The following CDH18 variants were observed in gnomAD, a reference collection of about 807,000 sequenced individuals.
CDH18 encodes the protein cadherin-18.
CDH18 carries 31 observed loss-of-function variants against 67.9 expected under a neutral mutation model. That is an observed-to-expected ratio of 0.46 (90% CI 0.34 to 0.62). The LOEUF is 0.62. Among genes scored for constraint, CDH18 ranks in the 20% least tolerant of loss-of-function variants. The pLI, the probability that CDH18 is intolerant of heterozygous loss-of-function variation, is 0.01. For synonymous variants in CDH18, 362 were observed against 347.2 expected, an observed-to-expected ratio of 1.04 and a Z score of -0.48; for missense variants, 890 against 975.5, an observed-to-expected ratio of 0.91 and a Z score of 1.17.
chr5:20,431,959 A>T (rs971951599), intron 1 of CDH18, among the ~76,000 whole-genome samples: 2 of 152,146 alleles, frequency 1.3e-5, no homozygotes, highest in Non-Finnish European at 2.9e-5. Context: ...CCCTAATAAC[A>T]TCTCTGAGAA....
At chr5:19,966,548 G>A (rs1484464893) in intron 2 of CDH18, among the ~76,000 whole-genome samples, 1 of 152,004 alleles carries the variant, frequency 6.6e-6, no homozygotes, top group Non-Finnish European at 1.5e-5. Flanking sequence ...CACCATATCA[G>A]TCACATGGTA....
rs191579982 is a variant in CDH18 at position 20,045,477 on chromosome 5, C to T, written c.-517-53463G>A. On this transcript the variant is annotated intron_variant, in intron 2 of 14. Transcript: ENST00000507958. ...TGAAATTAAAATGGTATAATGATGACGATGATAAGTTTGTGTACTAGTTCG... is the reference window on the plus strand; with the variant it reads ...TGAAATTAAAATGGTATAATGATGATGATGATAAGTTTGTGTACTAGTTCG... 1.2e-3 allele frequency among the ~76,000 whole-genome samples: 183 copies of T among 151,792 alleles called. 1 individual carries two copies. Among genetic ancestry groups the T allele is most frequent in the Non-Finnish European group, 2.4e-3 (161 of 67,930 alleles).
intron 1 of CDH18, among the ~76,000 whole-genome samples, chr5:20,478,466 A>G (rs914533769): frequency 6.6e-6 from 1 of 152,054 alleles, no homozygotes; most frequent in African/African-American, 2.4e-5. Context: ...GTGGCCATGC[A>G]GTAACTGCTG....
chr5:19,820,355 G>A (rs960757536), intron 3 of CDH18, among the ~76,000 whole-genome samples: 1 of 152,118 alleles, frequency 6.6e-6, no homozygotes, highest in Non-Finnish European at 1.5e-5. Context: ...AACAGAGGGA[G>A]AAACCAACAG....
At chr5:19,822,862 G>A (rs2149955300) in intron 3 of CDH18, among the ~76,000 whole-genome samples, 1 of 152,216 alleles carries the variant, frequency 6.6e-6, no homozygotes, top group African/African-American at 2.4e-5. Context: ...GAATTTTCTT[G>A]TCCTAATAAG....
intron 1 of CDH18, among the ~76,000 whole-genome samples, chr5:20,273,641 A>G (rs948030883): frequency 6.6e-6 from 1 of 151,742 alleles, no homozygotes; most frequent in Non-Finnish European, 1.5e-5. Context: ...AATTCAAACT[A>G]AAAAAAATAC....
In CDH18 at chr5:19,724,657, A is replaced by C. The variant is rs74533566; in HGVS notation, c.524-3191T>G. On this transcript the variant is annotated intron_variant, in intron 4 of 12. Transcript: ENST00000382275. ...GCATGATGTTACCATTGTGAAAAAA[A>C]AAAGATTTGCAAAATGTTACCATTA... Among the ~76,000 whole-genome samples the C allele has an allele frequency of 1.6e-4, 25 of 152,292 alleles. No individual in the cohort carries two copies. The East Asian group carries it at 4.3e-3, about 26-fold the overall frequency.
intron 1 of CDH18, among the ~76,000 whole-genome samples, chr5:20,414,135 A>T (rs2150148286): frequency 6.6e-6 from 1 of 152,302 alleles, no homozygotes; most frequent in East Asian, 1.9e-4. Flanking sequence ...GCAGTTTGGA[A>T]ATTTCTTAAT....
chr5:19,848,936 T>C (rs1783326672), intron 2 of CDH18, among the ~76,000 whole-genome samples: 1 of 150,258 alleles, frequency 6.7e-6, no homozygotes, highest in Non-Finnish European at 1.5e-5. Flanking sequence ...ATTATATATA[T>C]GTGTATATAT....
intron 2 of CDH18, among the ~76,000 whole-genome samples, chr5:20,018,988 G>A (rs548249420): frequency 6.7e-5 from 10 of 150,106 alleles, no homozygotes; most frequent in African/African-American, 2.5e-4. Flanking sequence ...TAGTAGAGAC[G>A]GGGTTTCACC....
At chr5:19,735,482 C>T (rs555921785) in intron 4 of CDH18, among the ~76,000 whole-genome samples, 305 of 151,480 alleles carry the variant, frequency 2.0e-3, no homozygotes, top group African/African-American at 6.7e-3. Context: ...CTGCAAGCTC[C>T]GCCTCTGGGT....
chr5:19,570,528 T>G (rs541155107), intron 8 of CDH18, among the ~76,000 whole-genome samples: 1 of 152,170 alleles, frequency 6.6e-6, no homozygotes, highest in Admixed American at 6.5e-5. Context: ...CCACAGATAC[T>G]GAGGAGACTA....
intron 2 of CDH18, among the ~76,000 whole-genome samples, chr5:19,847,158 T>C (rs766505013): frequency 2.0e-5 from 3 of 152,136 alleles, no homozygotes; most frequent in Non-Finnish European, 4.4e-5. Context: ...GCATCTATTA[T>C]AGCTATTCCC....
chr5:20,547,427 G>A (rs1816264), intron 1 of CDH18, among the ~76,000 whole-genome samples: 66,669 of 151,380 alleles, frequency 0.44, 15,085 homozygotes, highest in East Asian at 0.57. Flanking sequence ...TGGGCATGGT[G>A]GCAGGTCCCT....
chr5:19,962,402 T>G (rs1176647491), intron 2 of CDH18, among the ~76,000 whole-genome samples: 1 of 48,440 alleles, frequency 2.1e-5, no homozygotes, highest in Admixed American at 2.0e-4. Context: ...AAAAAGAAAA[T>G]TCAATTCCTT....
At chr5:19,614,774 A>T (rs764352121) in intron 5 of CDH18, among the ~76,000 whole-genome samples, 1 of 152,166 alleles carries the variant, frequency 6.6e-6, no homozygotes, top group African/African-American at 2.4e-5. Flanking sequence ...TTGCCAGCCA[A>T]ATTTGCTCAT....
chr5:19,896,983 G>A (rs1789411761), intron 2 of CDH18, among the ~76,000 whole-genome samples: 1 of 152,012 alleles, frequency 6.6e-6, no homozygotes, highest in African/African-American at 2.4e-5. Flanking sequence ...TTCATTGTTA[G>A]AAAGAAACAA....
intron 2 of CDH18, among the ~76,000 whole-genome samples, chr5:19,923,744 A>T (rs1319218834): frequency 6.6e-6 from 1 of 152,168 alleles, no homozygotes; most frequent in Non-Finnish European, 1.5e-5. Context: ...AGCCCTAAAT[A>T]TTGTGCTCAA....
intron 1 of CDH18, among the ~76,000 whole-genome samples, chr5:20,283,190 G>C (rs1357582998): frequency 6.6e-6 from 1 of 152,004 alleles, no homozygotes; most frequent in Admixed American, 6.6e-5. Flanking sequence ...CCAGGACATG[G>C]GACTGGGTAG....
Sources: allele counts gnomAD v4.1 joint callset (sites outside exome capture counted in the v4.1 genomes callset), GRCh38; gene constraint gnomAD v4.1.1; transcripts MANE v1.5; gene names NCBI Gene and HGNC (gene_info 2026-07-23, HGNC 2026-07-21).